TMTC1: variants seen among roughly 807,000 people sequenced by gnomAD.
TMTC1 encodes transmembrane O-mannosyltransferase targeting cadherins 1.
TMTC1 carries 73 observed loss-of-function variants against 104.8 expected under a neutral mutation model. The ratio of observed to expected loss-of-function variants is 0.70; its 90% confidence interval spans 0.58 to 0.85. The LOEUF (loss-of-function observed/expected upper bound fraction) is 0.85. TMTC1 is among the 40% of genes least tolerant of loss of function. The pLI is 0.00. For missense variants in TMTC1, 1,035 were observed against 1,096.1 expected (o/e 0.94, Z 0.79); for synonymous variants, 434 against 428.7 (o/e 1.01, Z -0.15).
At chr12:29,664,550 A>T (rs1940199270) in intron 5 of TMTC1, among the ~76,000 whole-genome samples, 1 of 152,208 alleles carries the variant, frequency 6.6e-6, no homozygotes, top group Non-Finnish European at 1.5e-5. Flanking sequence ...GAACCAAATA[A>T]CAACACTCAA....
chr12:29,536,230 TAA>T lies in TMTC1; in HGVS notation c.1762_1763del (p.Leu588SerfsTer6). The stretch of plus-strand genomic sequence containing the variant: ...TTACCTGCTCAGCCAATAACGAAGC[TAA>T]GCTTGAATATGCATCTGCAAACTCT... ...GPEFADAYSS[L>X]ASLLAEQERF... is the part of the protein sequence containing the mutation. On this transcript the variant is annotated frameshift_variant, in exon 11 of 18. Coordinates refer to ENST00000539277, the MANE Select transcript of TMTC1 (RefSeq NM_001193451.2). LOFTEE classifies it high-confidence loss of function. 6.2e-7 allele frequency: 1 copy of T among 1,611,882 alleles called. No individual in the cohort carries two copies.
At chr12:29,630,806 T>C (rs1408754008) in intron 6 of TMTC1, among the ~76,000 whole-genome samples, 1 of 152,226 alleles carries the variant, frequency 6.6e-6, no homozygotes, top group African/African-American at 2.4e-5. Context: ...AGCTGTTTAA[T>C]TTTATGTTTA....
Position 29,506,822 on chromosome 12 carries a change from A to G in TMTC1, c.*24T>C. The G allele has an allele frequency of 6.2e-7, 1 of 1,613,652 alleles. No homozygotes were observed. The stretch of plus-strand genomic sequence containing the variant: ...CCTTTCAGAGGCACCACATTATCCT[A>G]TGAGGTTGGGTCAGACGGTGGTGCT... On this transcript the variant is annotated 3_prime_UTR_variant, in exon 18 of 18. Coordinates refer to ENST00000539277, the MANE Select transcript of TMTC1 (RefSeq NM_001193451.2).
intron 6 of TMTC1, among the ~76,000 whole-genome samples, chr12:29,624,805 TCAC>T (rs1175247921): frequency 1.3e-5 from 2 of 152,226 alleles, no homozygotes; most frequent in Non-Finnish European, 2.9e-5. Context: ...ACTGTGCTAA[TCAC>T]AGCAACCAAA....
chr12:29,632,138 C>G (rs1481486682), intron 6 of TMTC1, among the ~76,000 whole-genome samples: 2 of 152,260 alleles, frequency 1.3e-5, no homozygotes, highest in African/African-American at 4.8e-5. Flanking sequence ...TTTCCCAAAC[C>G]AAATTTTTCC....
At chr12:29,660,916 A>T (rs1485412865) in intron 5 of TMTC1, 1 of 1,363,260 alleles carries the variant, frequency 7.3e-7, no homozygotes, top group Non-Finnish European at 9.9e-7. Context: ...AATCTTAGAT[A>T]AGTGTGTCTA....
intron 5 of TMTC1, among the ~76,000 whole-genome samples, chr12:29,689,728 G>T (rs1188456730): frequency 1.3e-5 from 2 of 152,168 alleles, no homozygotes; most frequent in African/African-American, 4.8e-5. Flanking sequence ...GCTTTGTGGG[G>T]TTGTCATAAT....
chr12:29,700,952 C>T (rs1034918131), intron 5 of TMTC1, among the ~76,000 whole-genome samples: 6 of 151,930 alleles, frequency 3.9e-5, no homozygotes, highest in African/African-American at 1.5e-4. Flanking sequence ...AAGGCTCAGG[C>T]ACTTTGCAAG....
intron 10 of TMTC1, among the ~76,000 whole-genome samples, chr12:29,551,597 T>C (rs764250612): frequency 2.6e-5 from 4 of 152,202 alleles, no homozygotes; most frequent in Non-Finnish European, 4.4e-5. Context: ...TATGACATGG[T>C]TCTTCAAGAA....
intron 6 of TMTC1, among the ~76,000 whole-genome samples, chr12:29,623,808 G>A (rs1029611153): frequency 8.9e-5 from 11 of 124,086 alleles, no homozygotes; most frequent in Non-Finnish European, 1.8e-4. Flanking sequence ...GCAAGACTCC[G>A]GCTCAAAAAT....
intron 5 of TMTC1, among the ~76,000 whole-genome samples, chr12:29,639,837 T>C (rs892710820): frequency 6.6e-6 from 1 of 152,084 alleles, no homozygotes; most frequent in African/African-American, 2.4e-5. Context: ...CTCACAATGG[T>C]AATGTGGAAC....
intron 8 of TMTC1, among the ~76,000 whole-genome samples, chr12:29,582,995 G>C (rs1946024945): frequency 6.6e-6 from 1 of 152,236 alleles, no homozygotes; most frequent in African/African-American, 2.4e-5. Context: ...CTAGGTCACA[G>C]ATCACAGCGT....
chr12:29,774,917 T>C (rs1480690481), intron 1 of TMTC1, among the ~76,000 whole-genome samples: 1 of 152,200 alleles, frequency 6.6e-6, no homozygotes, highest in Non-Finnish European at 1.5e-5. Flanking sequence ...TTCATGGCTT[T>C]GATTTGAGTT....
intron 5 of TMTC1, among the ~76,000 whole-genome samples, chr12:29,643,816 T>TATATTTATATATTTATAC (rs1555180892): frequency 0.012 from 606 of 52,218 alleles, 17 homozygotes; most frequent in African/African-American, 0.049. Flanking sequence ...TATATTTATA[T>TATATTTATATATTTATAC]ATATTTATAT....
chr12:29,589,902 G>A (rs551701119), intron 7 of TMTC1, among the ~76,000 whole-genome samples: 1 of 152,306 alleles, frequency 6.6e-6, no homozygotes, highest in Admixed American at 6.5e-5. Context: ...CATAAATGAG[G>A]AAACTAAAGC....
At chr12:29,681,358 T>C (rs1301108199) in intron 5 of TMTC1, among the ~76,000 whole-genome samples, 1 of 152,214 alleles carries the variant, frequency 6.6e-6, no homozygotes, top group Non-Finnish European at 1.5e-5. Context: ...ATATTCTGGC[T>C]AGTAAATTAA....
upstream of TMTC1, chr12:29,784,173 G>C (rs1324906953): frequency 6.6e-6 from 1 of 152,206 alleles, no homozygotes; most frequent in Non-Finnish European, 1.5e-5. Flanking sequence ...TGCGGTGTCC[G>C]GCTGTGCTCA....
chr12:29,527,456 G>GGT, intron 11 of TMTC1, among the ~76,000 whole-genome samples: 1 of 152,306 alleles, frequency 6.6e-6, no homozygotes, highest in South Asian at 2.1e-4. Context: ...GGGCAGCCAA[G>GGT]AGTGGCATCC....
Position 29,506,187 on chromosome 12 carries a change from T to C in TMTC1, c.*659A>G, listed in dbSNP as rs1232695855. The C allele has an allele frequency of 2.0e-5, 3 of 152,184 alleles. No homozygotes were observed. Among genetic ancestry groups the C allele is most frequent in the Non-Finnish European group, 4.4e-5 (3 of 68,020 alleles). 9.4% of individuals were successfully genotyped at this position (152,184 alleles called of 1,614,324 possible). The stretch of plus-strand genomic sequence containing the variant: ...GAATTAGGGGTGCCCAGCTCCTTGA[T>C]TTCCCCCTAGGGATAAAGATATCCA... On this transcript the variant is annotated 3_prime_UTR_variant, in exon 18 of 18. Coordinates refer to ENST00000539277, the MANE Select transcript of TMTC1 (RefSeq NM_001193451.2).
Sources: gnomAD v4.1 joint callset for allele counts (sites outside exome capture counted in the v4.1 genomes callset) on GRCh38, gnomAD v4.1.1 for gene constraint, MANE v1.5 for transcripts, NCBI Gene and HGNC (gene_info 2026-07-23, HGNC 2026-07-21) for gene names.